Variants in CTNNA2 observed in about 807,000 individuals in gnomAD.
The protein encoded by CTNNA2 is catenin alpha-2.
Under a neutral mutation model 101.0 loss-of-function variants are expected in CTNNA2, and 42 were observed. That is an observed-to-expected ratio of 0.42 (90% CI 0.32 to 0.54). The LOEUF (loss-of-function observed/expected upper bound fraction) is 0.54, where lower values mean the gene tolerates loss of function less well. Ranked by LOEUF, CTNNA2 falls within the 20% of genes least tolerant of loss-of-function variation. CTNNA2 has a pLI of 0.14. For missense variants in CTNNA2, 871 were observed against 1,223.1 expected, an observed-to-expected ratio of 0.71 and a Z score of 4.29; for synonymous variants, 450 against 456.4, an observed-to-expected ratio of 0.99 and a Z score of 0.18.
In CTNNA2 at chr2:80,520,559, C is replaced by T. The variant is rs983074584; in HGVS notation, c.1291-24423C>T. Among the ~76,000 whole-genome samples the T allele has an allele frequency of 3.9e-5, 6 of 152,070 alleles. No individual in the cohort carries two copies. In the South Asian group the frequency reaches 6.2e-4, roughly 16 times the overall value. On this transcript the variant is annotated intron_variant, in intron 9 of 18. Transcript: ENST00000402739. The stretch of plus-strand genomic sequence containing the variant: ...TCGGGTTCTGATGAGGGCCTTTTTC[C>T]GGAGTTGCAGGTGGCTAACTCCTTA...
At chr2:80,408,203 G>T (rs1394226930) in intron 8 of CTNNA2, among the ~76,000 whole-genome samples, 2 of 152,120 alleles carry the variant, frequency 1.3e-5, no homozygotes, top group African/African-American at 4.8e-5. Flanking sequence ...ATTTATAATA[G>T]ACGTTCTTCT....
chr2:80,107,920 G>A (rs1170880650), intron 7 of CTNNA2, among the ~76,000 whole-genome samples: 3 of 152,214 alleles, frequency 2.0e-5, no homozygotes, highest in South Asian at 2.1e-4. Flanking sequence ...AAGAGGTTGA[G>A]TGGGGCGGGC....
chr2:80,397,692 C>T (rs1211754595), intron 8 of CTNNA2, among the ~76,000 whole-genome samples: 1 of 152,166 alleles, frequency 6.6e-6, no homozygotes, highest in Non-Finnish European at 1.5e-5. Context: ...AAGCCTATTT[C>T]CTTTATAAAT....
At chr2:80,591,480 C>CTTTTTTTTTTTTTTTTTTTTTTA (rs1473500318) in intron 15 of CTNNA2, among the ~76,000 whole-genome samples, 1 of 33,554 alleles carries the variant, frequency 3.0e-5, no homozygotes, top group African/African-American at 1.1e-4. Context: ...TTTTTTTTTG[C>CTTTTTTTTTTTTTTTTTTTTTTA]AAACAGACAG....
At chr2:80,106,725 G>T (rs73940944) in intron 7 of CTNNA2, among the ~76,000 whole-genome samples, 6,660 of 152,128 alleles carry the variant, frequency 0.044, 468 homozygotes, top group African/African-American at 0.15. Flanking sequence ...CCTGCCATTC[G>T]CTGGCAGGTG....
At chr2:79,678,441 G>T (rs1314209241) in intron 2 of CTNNA2, among the ~76,000 whole-genome samples, 1 of 151,776 alleles carries the variant, frequency 6.6e-6, no homozygotes, top group East Asian at 1.9e-4. Context: ...AGGCTGAGGT[G>T]GGAGGATCAC....
At chr2:80,312,317 C>A (rs992326218) in intron 7 of CTNNA2, among the ~76,000 whole-genome samples, 6 of 152,100 alleles carry the variant, frequency 3.9e-5, no homozygotes, top group African/African-American at 1.4e-4. Flanking sequence ...TTCTGATGGG[C>A]TATTTAAAGA....
At chr2:79,323,898 T>C (rs1676683651) in intron 3 of CTNNA2, among the ~76,000 whole-genome samples, 1 of 152,308 alleles carries the variant, frequency 6.6e-6, no homozygotes, top group Non-Finnish European at 1.5e-5. Flanking sequence ...CAATGGGAAT[T>C]ATCTTGTTAA....
At chr2:79,425,193 G>A (rs76269935) in intron 4 of CTNNA2, among the ~76,000 whole-genome samples, 10,639 of 152,158 alleles carry the variant, frequency 0.07, 380 homozygotes, top group African/African-American at 0.099. Flanking sequence ...AGTTAACCTG[G>A]CTAAGAGTGG....
chr2:79,641,450 C>T (rs539385037), intron 1 of CTNNA2, among the ~76,000 whole-genome samples: 1 of 152,136 alleles, frequency 6.6e-6, no homozygotes, highest in African/African-American at 2.4e-5. Context: ...AAGATAATTC[C>T]TCAAGATATG....
intron 17 of CTNNA2, 61 bp downstream of exon 17, chr2:80,608,379 T>G (rs1016104383): frequency 6.4e-7 from 1 of 1,568,566 alleles, no homozygotes; most frequent in African/African-American, 1.3e-5. Context: ...AAGGCAAACA[T>G]TCTTGGCAAC....
At position 80,335,445 on chromosome 2, in the gene CTNNA2, A is replaced by C. The variant is rs555127416; in HGVS notation, c.1057-57766A>C. ...ATGCCTTATCCTGTAGGTAGCTTCCACTCTGCCTGGGGTCAGACCACAGGG... is the reference window on the plus strand; with the variant it reads ...ATGCCTTATCCTGTAGGTAGCTTCCCCTCTGCCTGGGGTCAGACCACAGGG... On this transcript the variant is annotated intron_variant, in intron 7 of 18. Transcript: ENST00000402739. Among the ~76,000 whole-genome samples the C allele has an allele frequency of 7.2e-5, 11 of 152,200 alleles. No individual in the cohort carries two copies. In the East Asian group the frequency reaches 2.1e-3, roughly 29 times the overall value.
intron 3 of CTNNA2, among the ~76,000 whole-genome samples, chr2:79,314,505 C>T (rs1312946389): frequency 1.3e-5 from 2 of 152,158 alleles, no homozygotes; most frequent in Non-Finnish European, 2.9e-5. Flanking sequence ...GGGTGCAGTG[C>T]ACCGTTATAT....
chr2:79,699,351 C>T (rs1276454573), intron 2 of CTNNA2, among the ~76,000 whole-genome samples: 2 of 151,918 alleles, frequency 1.3e-5, no homozygotes, highest in South Asian at 4.1e-4. Context: ...AAACATGTAC[C>T]TCATTGTTTT....
chr2:79,981,513 T>C (rs950420362), intron 7 of CTNNA2, among the ~76,000 whole-genome samples: 10 of 152,298 alleles, frequency 6.6e-5, no homozygotes, highest in African/African-American at 2.2e-4. Context: ...GAAAGAACTA[T>C]GATGTGACAC....
intron 18 of CTNNA2, among the ~76,000 whole-genome samples, chr2:80,631,582 C>T (rs1416552493): frequency 6.6e-6 from 1 of 152,032 alleles, no homozygotes; most frequent in Non-Finnish European, 1.5e-5. Context: ...GCTGAATTTT[C>T]CCTGAAGTAC....
chr2:79,950,920 C>G (rs926528904), intron 7 of CTNNA2, among the ~76,000 whole-genome samples: 11 of 107,412 alleles, frequency 1.0e-4, no homozygotes, highest in Non-Finnish European at 2.0e-4. Context: ...TAGAGTCAGT[C>G]TAAAAGTTTG....
At chr2:79,258,473 G>A (rs1285081157) in intron 2 of CTNNA2, among the ~76,000 whole-genome samples, 1 of 152,130 alleles carries the variant, frequency 6.6e-6, no homozygotes, top group African/African-American at 2.4e-5. Flanking sequence ...ACTTGAATCT[G>A]TAAAGTACTG....
chr2:79,544,138 A>T (rs924904394), intron 1 of CTNNA2, among the ~76,000 whole-genome samples: 3 of 152,188 alleles, frequency 2.0e-5, no homozygotes, highest in Non-Finnish European at 4.4e-5. Context: ...GGGTTTCACC[A>T]TATTGGCCAG....
Sources: gnomAD v4.1 joint callset for allele counts (sites outside exome capture counted in the v4.1 genomes callset) on GRCh38, gnomAD v4.1.1 for gene constraint, MANE v1.5 for transcripts, NCBI Gene and HGNC (gene_info 2026-07-23, HGNC 2026-07-21) for gene names.